The following CD33 variants were observed in gnomAD, a reference collection of about 807,000 sequenced individuals.
The protein encoded by CD33 is CD33 molecule.
Under a neutral mutation model 31.4 loss-of-function variants are expected in CD33, and 25 were observed. That is an observed-to-expected ratio of 0.80 (90% CI 0.58 to 1.11). The LOEUF (loss-of-function observed/expected upper bound fraction) is 1.11, where lower values mean the gene tolerates loss of function less well. Ranked by LOEUF, CD33 falls within the 50% of genes most tolerant of loss-of-function variation. The pLI, the probability that CD33 is intolerant of heterozygous loss-of-function variation, is 0.00. For synonymous variants in CD33, 176 were observed against 180.6 expected (o/e 0.97, Z 0.20); for missense variants, 407 against 448.1 (o/e 0.91, Z 0.83).
rs1036580071 is a variant in CD33, at chr19:51,239,827, A to G, written c.*139A>G. 6 of 577,116 alleles carry G rather than the reference A, an allele frequency of 1.0e-5. No individual in the cohort carries two copies. The highest frequency in any genetic ancestry group is 7.7e-5 in the African/African-American group (4 of 51,914). The allele number at this position is 577,116 out of a possible 1,614,324, so 35.7% of individuals were successfully genotyped here. A position where few individuals can be genotyped will look rare whatever the true frequency, so the allele number is the denominator to read the frequency against. ...TATGTGAGTTTCCTGCTATATTAAC[A>G]TCATCTTAGACTTTGCAAGCAGAGA... is the stretch of plus-strand genomic sequence containing the variant. On this transcript the variant is annotated 3_prime_UTR_variant, in exon 7 of 7. Coordinates refer to ENST00000262262, the MANE Select transcript of CD33 (RefSeq NM_001772.4).
chr19:51,229,582 T>A (rs747803690), intron 4 of CD33, among the ~76,000 whole-genome samples: 2 of 152,258 alleles, frequency 1.3e-5, no homozygotes, highest in South Asian at 4.1e-4. Flanking sequence ...ACTTGTTGTT[T>A]GTCTGCTGAA....
the CD33 span, among the ~76,000 whole-genome samples, chr19:51,212,353 C>T: frequency 2.0e-5 from 3 of 152,116 alleles, no homozygotes; most frequent in Non-Finnish European, 4.4e-5. Context: ...GGAGAAGGCA[C>T]AGGTAGGATA....
At chr19:51,219,567 T>G in the CD33 span, among the ~76,000 whole-genome samples, 1 of 152,202 alleles carries the variant, frequency 6.6e-6, no homozygotes, top group Non-Finnish European at 1.5e-5. Context: ...TCAGGTTGAA[T>G]AGCAATGAAG....
upstream of CD33, among the ~76,000 whole-genome samples, chr19:51,223,932 G>T (rs1053220080): frequency 2.3e-4 from 35 of 152,170 alleles, no homozygotes; most frequent in Non-Finnish European, 4.9e-4. Flanking sequence ...ATGAGGCTAT[G>T]GATGGGGAGT....
intron 5 of CD33, 138 bp from the exon 6 acceptor site, chr19:51,235,457 A>G: frequency 7.0e-7 from 1 of 1,426,828 alleles, no homozygotes; most frequent in Non-Finnish European, 9.3e-7. Context: ...GTAGAGGGAG[A>G]CCTTGTGACT....
At chr19:51,230,660 G>A (rs1981339737) in intron 4 of CD33, among the ~76,000 whole-genome samples, 1 of 152,220 alleles carries the variant, frequency 6.6e-6, no homozygotes. Flanking sequence ...CGTTTTGTCT[G>A]AGATAAGTAT....
At chr19:51,211,527 G>T in the CD33 span, 1 of 1,529,968 alleles carries the variant, frequency 6.5e-7, no homozygotes, top group Non-Finnish European at 8.8e-7. Context: ...ACTTCTTTCG[G>T]ATGGAGAGAG....
At chr19:51,217,946 G>T in the CD33 span, among the ~76,000 whole-genome samples, 1 of 152,122 alleles carries the variant, frequency 6.6e-6, no homozygotes, top group Non-Finnish European at 1.5e-5. Flanking sequence ...CCATGGATAA[G>T]CATTAGGTTG....
upstream of CD33, chr19:51,225,064 A>G (rs1980882881): frequency 2.5e-6 from 4 of 1,606,866 alleles, no homozygotes; most frequent in South Asian, 4.4e-5. Flanking sequence ...CTTCCCCTCC[A>G]CTCCCTTCCT....
upstream of CD33, among the ~76,000 whole-genome samples, chr19:51,224,497 A>G (rs898487425): frequency 2.0e-5 from 3 of 152,166 alleles, no homozygotes; most frequent in African/African-American, 7.2e-5. Context: ...CTTGAAATGC[A>G]TGAGGCTAGA....
upstream of CD33, among the ~76,000 whole-genome samples, chr19:51,221,277 A>ACACAATATTTTAC (rs11273989): frequency 0.35 from 52,612 of 151,870 alleles, 9,714 homozygotes; most frequent in Non-Finnish European, 0.43. Context: ...GAATGAACTA[A>ACACAATATTTTAC]CACAATATTT....
At chr19:51,226,618 A>C (rs1339663239) in intron 4 of CD33, among the ~76,000 whole-genome samples, 1 of 152,198 alleles carries the variant, frequency 6.6e-6, no homozygotes, top group Non-Finnish European at 1.5e-5. Context: ...AATAGTACAT[A>C]TTTATGGATG....
upstream of CD33, among the ~76,000 whole-genome samples, chr19:51,222,845 C>A (rs1166443377): frequency 1.3e-5 from 2 of 152,260 alleles, no homozygotes; most frequent in South Asian, 4.2e-4. Flanking sequence ...TAATTAAATT[C>A]ATTAAAGAAA....
At chr19:51,226,181 C>A (rs751649424) in intron 3 of CD33, 100 bp downstream of exon 3, 120 of 1,530,012 alleles carry the variant, frequency 7.8e-5, no homozygotes, top group Middle Eastern at 5.1e-4. Context: ...TGGCTGAGTT[C>A]GGGAGCCAGA....
chr19:51,236,080 C>A, intron 6 of CD33: 2 of 498,122 alleles, frequency 4.0e-6, no homozygotes, highest in Non-Finnish European at 7.3e-6. Context: ...ATGGTATGAA[C>A]CCGGGAGGCA....
the CD33 span, chr19:51,212,019 T>G: frequency 1.0e-6 from 1 of 968,864 alleles, no homozygotes; most frequent in Non-Finnish European, 1.6e-6. Context: ...TCGAGTGACG[T>G]TCCCCGGAGC....
At chr19:51,223,703 A>G (rs1310724396), upstream of CD33, among the ~76,000 whole-genome samples, 1 of 152,248 alleles carries the variant, frequency 6.6e-6, no homozygotes, top group Non-Finnish European at 1.5e-5. Flanking sequence ...GCACTGGTTC[A>G]TAGAACATGT....
At chr19:51,216,114 A>G in the CD33 span, among the ~76,000 whole-genome samples, 1 of 151,344 alleles carries the variant, frequency 6.6e-6, no homozygotes, top group African/African-American at 2.4e-5. Context: ...GCCCTCTATG[A>G]CTCTGAGACT....
At chr19:51,239,459 C>T in intron 6 of CD33, 59 bp from the exon 7 acceptor site, 2 of 1,352,234 alleles carry the variant, frequency 1.5e-6, no homozygotes, top group Non-Finnish European at 2.0e-6. Context: ...CCCTCTTTGC[C>T]TTCTCCTGGT....
Sources: allele counts gnomAD v4.1 joint callset (sites outside exome capture counted in the v4.1 genomes callset), GRCh38; gene constraint gnomAD v4.1.1; transcripts MANE v1.5; gene names NCBI Gene and HGNC (gene_info 2026-07-23, HGNC 2026-07-21).